The following NCAM2 variants were observed in gnomAD, a reference collection of about 807,000 sequenced individuals.
The protein encoded by NCAM2 is neural cell adhesion molecule 2, also known as N-CAM-2.
In NCAM2, 30 loss-of-function variants were observed where a neutral mutation model predicts 98.1. The observed-to-expected ratio is 0.31, with a 90% CI of 0.23 to 0.41. The LOEUF (loss-of-function observed/expected upper bound fraction) is 0.41. NCAM2 is among the 10% of genes least tolerant of loss of function. The pLI is 1.00. For missense variants in NCAM2, 867 were observed against 1,005.8 expected, an observed-to-expected ratio of 0.86 and a Z score of 1.87; for synonymous variants, 368 against 342.4, an observed-to-expected ratio of 1.07 and a Z score of -0.83.
At chr21:21,321,009 T>C (rs1156588658) in intron 5 of NCAM2, among the ~76,000 whole-genome samples, 2 of 152,166 alleles carry the variant, frequency 1.3e-5, no homozygotes, top group Non-Finnish European at 1.5e-5. Flanking sequence ...TTGCTTTTCA[T>C]GCAGACTGAG....
At chr21:21,406,480 G>A (rs2076740575) in intron 9 of NCAM2, among the ~76,000 whole-genome samples, 1 of 152,156 alleles carries the variant, frequency 6.6e-6, no homozygotes, top group Non-Finnish European at 1.5e-5. Flanking sequence ...GCCAGGGACA[G>A]TGCCAAGGTC....
At chr21:21,519,958 A>C (rs1361246909) in intron 16 of NCAM2, among the ~76,000 whole-genome samples, 2 of 152,124 alleles carry the variant, frequency 1.3e-5, no homozygotes, top group Non-Finnish European at 2.9e-5. Context: ...CAGAGAAAAA[A>C]AAATTAAGAT....
At chr21:21,030,411 C>T (rs953609833) in intron 1 of NCAM2, among the ~76,000 whole-genome samples, 5 of 152,140 alleles carry the variant, frequency 3.3e-5, no homozygotes, top group Admixed American at 3.3e-4. Context: ...TCTTACTGTT[C>T]TATAGGTCAG....
chr21:21,482,095 C>T (rs1256109857), intron 15 of NCAM2, among the ~76,000 whole-genome samples: 1 of 150,780 alleles, frequency 6.6e-6, no homozygotes, highest in African/African-American at 2.4e-5. Flanking sequence ...AAGACTCCAT[C>T]TCGAAAAAAA....
intron 12 of NCAM2, among the ~76,000 whole-genome samples, chr21:21,438,086 A>C (rs1268952340): frequency 6.6e-6 from 1 of 152,152 alleles, no homozygotes; most frequent in Non-Finnish European, 1.5e-5. Context: ...CTGAAAATGC[A>C]GGTACATATG....
intron 1 of NCAM2, among the ~76,000 whole-genome samples, chr21:21,021,690 C>A (rs976966060): frequency 5.9e-5 from 9 of 152,110 alleles, no homozygotes; most frequent in African/African-American, 1.9e-4. Context: ...ATCTTATAAA[C>A]CCAAGCTCAA....
At position 21,357,233 on chromosome 21, in the gene NCAM2, T is replaced by C. The variant is rs369418951; in HGVS notation, c.1045-16630T>C. Reference sequence around the variant, plus strand: ...TTTACACTTACACAGGCCCGTTCAATGCGTATGCCTCACAGTCCTCTTTTT... The same window carrying C: ...TTTACACTTACACAGGCCCGTTCAACGCGTATGCCTCACAGTCCTCTTTTT... On this transcript the variant is annotated intron_variant, in intron 8 of 17. Coordinates refer to ENST00000400546, the MANE Select transcript of NCAM2 (RefSeq NM_004540.5). Among the ~76,000 whole-genome samples the C allele has an allele frequency of 2.0e-5, 3 of 152,140 alleles. No homozygotes were observed. The East Asian group carries it at 5.8e-4, about 29-fold the overall frequency.
intron 1 of NCAM2, among the ~76,000 whole-genome samples, chr21:21,031,295 T>C (rs1184402828): frequency 6.6e-6 from 1 of 152,194 alleles, no homozygotes; most frequent in Non-Finnish European, 1.5e-5. Context: ...TTGTAAAGAC[T>C]AGATGAGGTA....
intron 11 of NCAM2, among the ~76,000 whole-genome samples, chr21:21,425,614 A>G (rs232390): frequency 0.082 from 12,520 of 151,968 alleles, 575 homozygotes; most frequent in East Asian, 0.16. Flanking sequence ...ATCTCTGGAC[A>G]ACTTCAGTTT....
intron 8 of NCAM2, among the ~76,000 whole-genome samples, chr21:21,371,625 A>G (rs1158061823): frequency 1.3e-5 from 2 of 151,426 alleles, no homozygotes; most frequent in East Asian, 3.9e-4. Flanking sequence ...TTCTTTCACT[A>G]TTTACAGATC....
intron 5 of NCAM2, among the ~76,000 whole-genome samples, chr21:21,305,721 T>G (rs2073859497): frequency 6.6e-6 from 1 of 152,118 alleles, no homozygotes; most frequent in Non-Finnish European, 1.5e-5. Context: ...ATTTTATATT[T>G]GTTTTTCCTT....
chr21:21,035,577 A>T (rs1032978418), intron 1 of NCAM2, among the ~76,000 whole-genome samples: 3 of 152,128 alleles, frequency 2.0e-5, no homozygotes, highest in Admixed American at 2.0e-4. Flanking sequence ...TTCTTGTTCA[A>T]TTTGGTGTTA....
chr21:21,455,483 A>G (rs1228451038), intron 12 of NCAM2, among the ~76,000 whole-genome samples: 1 of 151,982 alleles, frequency 6.6e-6, no homozygotes, highest in Non-Finnish European at 1.5e-5. Flanking sequence ...TGACATGCTC[A>G]TAAGAAAATA....
chr21:21,175,656 T>C (rs1476938046), intron 1 of NCAM2, among the ~76,000 whole-genome samples: 1 of 152,248 alleles, frequency 6.6e-6, no homozygotes, highest in Non-Finnish European at 1.5e-5. Context: ...GTTAAGGGTT[T>C]AGTTGTTAGG....
chr21:21,304,303 C>T (rs527695510), intron 5 of NCAM2, among the ~76,000 whole-genome samples: 2 of 139,118 alleles, frequency 1.4e-5, no homozygotes, highest in African/African-American at 5.3e-5. Flanking sequence ...GACAAATTGG[C>T]GAAAGGTTTT....
At chr21:21,264,247 C>A (rs1329509076) in intron 1 of NCAM2, among the ~76,000 whole-genome samples, 2 of 151,960 alleles carry the variant, frequency 1.3e-5, no homozygotes, top group Non-Finnish European at 2.9e-5. Flanking sequence ...TGAATAAATG[C>A]TAAACATCAG....
At chr21:21,218,390 A>G (rs530428789) in intron 1 of NCAM2, among the ~76,000 whole-genome samples, 2 of 152,296 alleles carry the variant, frequency 1.3e-5, no homozygotes, top group Admixed American at 6.5e-5. Context: ...CACAAACTAG[A>G]TAGTGAATGT....
intron 1 of NCAM2, among the ~76,000 whole-genome samples, chr21:21,101,790 AC>A (rs2146491150): frequency 6.6e-6 from 1 of 152,202 alleles, no homozygotes; most frequent in African/African-American, 2.4e-5. Flanking sequence ...AAATAAATGA[AC>A]AAAATAAGTA....
chr21:21,105,725 G>T (rs1418080267), intron 1 of NCAM2, among the ~76,000 whole-genome samples: 1 of 152,070 alleles, frequency 6.6e-6, no homozygotes, highest in East Asian at 1.9e-4. Context: ...TTCATTTATT[G>T]TAGATAAGAC....
Sources: allele counts gnomAD v4.1 joint callset (sites outside exome capture counted in the v4.1 genomes callset), GRCh38; gene constraint gnomAD v4.1.1; transcripts MANE v1.5; gene names NCBI Gene and HGNC (gene_info 2026-07-23, HGNC 2026-07-21).